The following COL14A1 variants were observed in gnomAD, a reference collection of about 807,000 sequenced individuals.
The protein encoded by COL14A1 is collagen type XIV alpha 1 chain.
In COL14A1, 136 loss-of-function variants were observed where a neutral mutation model predicts 230.3. That is an observed-to-expected ratio of 0.59 (90% CI 0.51 to 0.68). The LOEUF is 0.68. Among genes scored for constraint, COL14A1 ranks in the 30% least tolerant of loss-of-function variants. The probability of loss-of-function intolerance (pLI) is 0.00; values close to 1 mark genes in which losing one functional copy is unlikely to be tolerated. For missense variants in COL14A1, 1,976 were observed against 2,215.8 expected (o/e 0.89, Z 2.17); for synonymous variants, 792 against 784.1 (o/e 1.01, Z -0.17).
At chr8:120,150,698 A>G (rs986230643) in intron 2 of COL14A1, among the ~76,000 whole-genome samples, 4 of 152,178 alleles carry the variant, frequency 2.6e-5, no homozygotes, top group African/African-American at 9.6e-5. Flanking sequence ...TTAAACAAGT[A>G]GAAGACAATG....
At chr8:120,154,615 C>T (rs987151908) in intron 2 of COL14A1, among the ~76,000 whole-genome samples, 2 of 152,076 alleles carry the variant, frequency 1.3e-5, no homozygotes, top group Non-Finnish European at 2.9e-5. Context: ...TACACTTCAC[C>T]ATGCAAAGGA....
At chr8:120,342,243 TG>T in intron 43 of COL14A1, 136 bp from the exon 44 acceptor site, 1 of 745,874 alleles carries the variant, frequency 1.3e-6, no homozygotes, top group Non-Finnish European at 2.4e-6. Context: ...TGCACCGTGG[TG>T]GTCAAACCCA....
chr8:120,299,220 A>G (rs536405609), intron 35 of COL14A1, among the ~76,000 whole-genome samples: 1 of 152,212 alleles, frequency 6.6e-6, no homozygotes, highest in South Asian at 2.1e-4. Flanking sequence ...TATCAGTAAG[A>G]CTTACCGTAT....
chr8:120,193,412 G>C (rs1816903319), intron 5 of COL14A1, among the ~76,000 whole-genome samples: 1 of 152,178 alleles, frequency 6.6e-6, no homozygotes, highest in Non-Finnish European at 1.5e-5. Flanking sequence ...TGGAAGTTTT[G>C]TCTCAGAGGA....
chr8:120,212,500 A>G lies in COL14A1; in HGVS notation c.1520A>G (p.Asn507Ser), dbSNP rs754334298. 4 of 1,613,684 alleles carry G rather than the reference A, an allele frequency of 2.5e-6. No homozygotes were observed. The highest frequency in any genetic ancestry group is 2.2e-5 in the East Asian group (1 of 44,846). Residue 507 changes from asparagine to serine, a missense_variant, in exon 13 of 48, where the codon AAT becomes AGT. Physicochemically the swap from Asn to Ser is conservative, Grantham distance 46. Transcript: ENST00000297848. ...TDIELSGLLP[N>S]TEYTVTVYAM... is the part of the protein sequence containing the mutation. ...ATTGAATTGAGTGGGTTGTTGCCCAATACAGAATACACAGTCACAGTTTAT... is the reference window on the plus strand; with the variant it reads ...ATTGAATTGAGTGGGTTGTTGCCCAGTACAGAATACACAGTCACAGTTTAT...
chr8:120,177,139 A>C (rs1816307948), intron 5 of COL14A1, among the ~76,000 whole-genome samples: 1 of 152,144 alleles, frequency 6.6e-6, no homozygotes, highest in African/African-American at 2.4e-5. Flanking sequence ...AATTAATATA[A>C]AAATGCCCTG....
intron 47 of COL14A1, chr8:120,370,253 T>C: frequency 7.2e-7 from 1 of 1,395,330 alleles, no homozygotes; most frequent in Non-Finnish European, 1.0e-6. Flanking sequence ...TCACAGGAAT[T>C]GGTCAACAAA....
Position 120,224,945 on chromosome 8 carries a change from A to G in COL14A1, c.1738-143A>G, listed in dbSNP as rs1009570212. The G allele has an allele frequency of 1.2e-5, 8 of 659,126 alleles. No homozygotes were observed. The African/African-American group carries it at 1.3e-4, about 11-fold the overall frequency. The allele number at this position is 659,126 out of a possible 1,614,324, so 40.8% of individuals were successfully genotyped here. On this transcript the variant is annotated intron_variant, in intron 14 of 47. Transcript: ENST00000297848. Reference sequence around the variant, plus strand: ...AGGGTGTAAGATCAGAAATGTTCATACATAAACTGGTTTTATAATTCAGTA... The same window carrying G: ...AGGGTGTAAGATCAGAAATGTTCATGCATAAACTGGTTTTATAATTCAGTA...
intron 39 of COL14A1, 139 bp from the exon 40 acceptor site, chr8:120,315,805 A>G: frequency 1.1e-6 from 1 of 929,120 alleles, no homozygotes; most frequent in South Asian, 1.6e-5. Flanking sequence ...ATAACTTCTA[A>G]GTCTGAATTC....
intron 43 of COL14A1, 36 bp from the exon 44 acceptor site, chr8:120,342,344 T>C: frequency 6.2e-7 from 1 of 1,606,016 alleles, no homozygotes; most frequent in Non-Finnish European, 8.5e-7. Flanking sequence ...GCTGGGCTTG[T>C]AGCTGAGTCA....
At chr8:120,260,139 C>T (rs1251449196) in intron 23 of COL14A1, among the ~76,000 whole-genome samples, 4 of 152,038 alleles carry the variant, frequency 2.6e-5, no homozygotes, top group African/African-American at 9.7e-5. Context: ...AAGTTCCCTT[C>T]TGAAACTAAT....
rs577144567 is a variant in COL14A1, at chr8:120,173,364, T to C, written c.436+5117T>C. On this transcript the variant is annotated intron_variant, in intron 5 of 47. Coordinates refer to ENST00000297848, the MANE Select transcript of COL14A1 (RefSeq NM_021110.4). The stretch of plus-strand genomic sequence containing the variant: ...ATTTCTTACTTTCTGGCACAAACTT[T>C]ACATTCTGAGCGCTTGTATTTTTTC... Among the ~76,000 whole-genome samples the C allele has an allele frequency of 4.6e-5, 7 of 152,202 alleles. No individual in the cohort carries two copies. The South Asian group carries it at 1.0e-3, about 22-fold the overall frequency.
chr8:120,338,660 A>G (rs898592814), intron 42 of COL14A1, among the ~76,000 whole-genome samples: 3 of 152,234 alleles, frequency 2.0e-5, no homozygotes, highest in Admixed American at 2.0e-4. Context: ...CAGAGCTGTT[A>G]TAAGGTTTAG....
chr8:120,232,225 C>A (rs573530531), intron 19 of COL14A1: 1 of 152,000 alleles, frequency 6.6e-6, no homozygotes, highest in Non-Finnish European at 1.5e-5. Flanking sequence ...GTTGTTTTAT[C>A]TATCTTTCCT....
intron 2 of COL14A1, among the ~76,000 whole-genome samples, chr8:120,157,216 T>A (rs1815509031): frequency 1.3e-5 from 2 of 152,186 alleles, no homozygotes; most frequent in Non-Finnish European, 2.9e-5. Context: ...GTGCTTTGTA[T>A]CTTTCTGACA....
At position 120,203,651 on chromosome 8, in the gene COL14A1, G is replaced by A. The variant is rs137856466; in HGVS notation, c.878-58G>A. ...ACTGGGTCAGATCAGGCCCACCGCAGTCACTCTTTCCAAGGGGGCATAAAA... is the reference window on the plus strand; with the variant it reads ...ACTGGGTCAGATCAGGCCCACCGCAATCACTCTTTCCAAGGGGGCATAAAA... On this transcript the variant is annotated intron_variant, in intron 8 of 47. Transcript: ENST00000297848. The A allele has an allele frequency of 4.6e-5, 72 of 1,575,952 alleles. 1 individual carries two copies. The African/African-American group carries it at 8.5e-4, about 19-fold the overall frequency.
In COL14A1 at chr8:120,203,888, G is replaced by A. The variant is rs747084250; in HGVS notation, c.1039+18G>A. 1 of 1,611,204 alleles carries A rather than the reference G, an allele frequency of 6.2e-7. No homozygotes were observed. The highest frequency in any genetic ancestry group is 8.5e-7 in the Non-Finnish European group (1 of 1,178,010). On this transcript the variant is annotated intron_variant, in intron 9 of 47. Transcript: ENST00000297848. ...AATTAAAGGTAAAATGAGTGACAGA[G>A]CAGTCCTGTGGATGTCAGTATTATG...
chr8:120,333,171 C>T (rs1821929446), intron 42 of COL14A1, among the ~76,000 whole-genome samples: 1 of 152,188 alleles, frequency 6.6e-6, no homozygotes, highest in African/African-American at 2.4e-5. Context: ...ACCAGTAAAA[C>T]ACACACTCAC....
At chr8:120,357,784 T>A (rs1177225270) in intron 45 of COL14A1, among the ~76,000 whole-genome samples, 1 of 152,184 alleles carries the variant, frequency 6.6e-6, no homozygotes, top group African/African-American at 2.4e-5. Context: ...TTTGTTTTTC[T>A]CTCCTGTATT....
Sources: gnomAD v4.1 joint callset for allele counts (sites outside exome capture counted in the v4.1 genomes callset) on GRCh38, gnomAD v4.1.1 for gene constraint, MANE v1.5 for transcripts, NCBI Gene and HGNC (gene_info 2026-07-23, HGNC 2026-07-21) for gene names.